Variants in PRDM16 observed in about 807,000 individuals in gnomAD.
PRDM16 encodes histone-lysine N-methyltransferase PRDM16.
In PRDM16, 23 loss-of-function variants were observed where a neutral mutation model predicts 110.6. The observed-to-expected ratio is 0.21, with a 90% CI of 0.15 to 0.29. The LOEUF (loss-of-function observed/expected upper bound fraction) is 0.29. Among genes scored for constraint, PRDM16 ranks in the 10% least tolerant of loss-of-function variants. PRDM16 has a pLI of 1.00. For missense variants in PRDM16, 1,615 were observed against 1,794.3 expected (o/e 0.90, Z 1.81); for synonymous variants, 799 against 781.8 (o/e 1.02, Z -0.37).
chr1:3,110,331 G>C (rs1642760659), intron 1 of PRDM16, among the ~76,000 whole-genome samples: 1 of 144,756 alleles, frequency 6.9e-6, no homozygotes, highest in Non-Finnish European at 1.5e-5. Flanking sequence ...GGGACACAGT[G>C]CTCGGGGGCT....
chr1:3,160,239 G>A (rs1273855085), intron 1 of PRDM16, among the ~76,000 whole-genome samples: 1 of 152,214 alleles, frequency 6.6e-6, no homozygotes, highest in Non-Finnish European at 1.5e-5. Context: ...CGATTGAATG[G>A]GCTGGGCAGG....
Position 3,412,576 on chromosome 1 carries a change from G to A in PRDM16, c.2379G>A (p.Ser793=), listed in dbSNP as rs368154998. The change falls in exon 9 of 17, where the codon TCG becomes TCA. Residue 793 remains serine, a synonymous_variant. Coordinates refer to ENST00000270722, the MANE Select transcript of PRDM16 (RefSeq NM_022114.4). ...TCCTGCCCATGCCCAAGGGCCCCTC[G>A]GCCCCCGCATCCGGCGAGGAGCAGC... ...KPILPMPKGP[S]APASGEEQPL... 560 of 1,607,760 alleles carry A rather than the reference G, an allele frequency of 3.5e-4. 3 individuals carry two copies. The East Asian group carries it at 9.8e-3, about 28-fold the overall frequency.
rs1553161914 is a variant in PRDM16 at position 3,314,071 on chromosome 1, C to CCGGGGGG, written c.438+69934_438+69935insCGGGGGG. Among the ~76,000 whole-genome samples, 2 of 100,660 alleles carry CCGGGGGG rather than the reference C, an allele frequency of 2.0e-5. 1 individual carries two copies. Among genetic ancestry groups the CCGGGGGG allele is most frequent in the Admixed American group, 1.8e-4 (2 of 11,346 alleles). The allele number at this position is 100,660 out of a possible 152,430, so 66.0% of individuals were successfully genotyped here. A position where few individuals can be genotyped will look rare whatever the true frequency, so the allele number is the denominator to read the frequency against. Reference sequence around the variant, plus strand: ...GCCCCCGAATGCCGTCCTTCCCCACCGGGGGGGGGGGCGGGAACATAAAAT... The same window carrying CCGGGGGG: ...GCCCCCGAATGCCGTCCTTCCCCACCCGGGGGGGGGGGGGGGGGCGGGAACATAAAAT... On this transcript the variant is annotated intron_variant, in intron 3 of 16. Coordinates refer to ENST00000270722, the MANE Select transcript of PRDM16 (RefSeq NM_022114.4).
chr1:3,140,425 G>A (rs1228986306), intron 1 of PRDM16, among the ~76,000 whole-genome samples: 8 of 152,076 alleles, frequency 5.3e-5, no homozygotes, highest in Non-Finnish European at 1.2e-4. Flanking sequence ...GTTTGCCTCC[G>A]AGAAGGGACA....
At chr1:3,252,599 C>G (rs147552685) in intron 3 of PRDM16, among the ~76,000 whole-genome samples, 5 of 152,282 alleles carry the variant, frequency 3.3e-5, no homozygotes, top group Non-Finnish European at 7.4e-5. Flanking sequence ...AGAGAAAGCG[C>G]CTGCCCTGGG....
intron 12 of PRDM16, among the ~76,000 whole-genome samples, chr1:3,420,026 G>GT (rs1010064678): frequency 2.2e-4 from 33 of 152,044 alleles, no homozygotes; most frequent in Non-Finnish European, 1.5e-5. Flanking sequence ...TGAGCTGTGT[G>GT]TTTTTTCTGT....
At chr1:3,233,113 C>A (rs1639453177) in intron 2 of PRDM16, among the ~76,000 whole-genome samples, 1 of 152,216 alleles carries the variant, frequency 6.6e-6, no homozygotes. Flanking sequence ...GAAAGCGAAG[C>A]TCCCTGGGGA....
At chr1:3,187,881 C>T (rs1557515472) in intron 2 of PRDM16, among the ~76,000 whole-genome samples, 1 of 152,186 alleles carries the variant, frequency 6.6e-6, no homozygotes, top group East Asian at 1.9e-4. Context: ...GCAGAGTCTG[C>T]GGCCGTCAAG....
chr1:3,385,357 T>A, intron 4 of PRDM16, 71 bp downstream of exon 4: 1 of 1,553,568 alleles, frequency 6.4e-7, no homozygotes, highest in Non-Finnish European at 8.9e-7. Context: ...CCAAGATTGG[T>A]GGAGGTGCCG....
intron 1 of PRDM16, among the ~76,000 whole-genome samples, chr1:3,184,427 C>T (rs533870653): frequency 3.3e-5 from 5 of 152,158 alleles, no homozygotes; most frequent in African/African-American, 7.2e-5. Flanking sequence ...CCAGCAGGAC[C>T]GGGGTCCAGT....
chr1:3,262,750 C>T (rs1248588735), intron 3 of PRDM16, among the ~76,000 whole-genome samples: 1 of 152,184 alleles, frequency 6.6e-6, no homozygotes, highest in Non-Finnish European at 1.5e-5. Flanking sequence ...ACACAGAAAA[C>T]ATGAGGGTGT....
At chr1:3,204,950 C>G (rs1023305411) in intron 2 of PRDM16, among the ~76,000 whole-genome samples, 1 of 152,148 alleles carries the variant, frequency 6.6e-6, no homozygotes, top group Non-Finnish European at 1.5e-5. Context: ...GGGAAGGCCC[C>G]GCGGGATTGT....
chr1:3,178,917 G>C (rs1436525405), intron 1 of PRDM16, among the ~76,000 whole-genome samples: 2 of 152,158 alleles, frequency 1.3e-5, no homozygotes, highest in African/African-American at 2.4e-5. Context: ...ACCCACAGCC[G>C]GGTCCACCCA....
At chr1:3,429,868 G>A (rs1638719363) in intron 14 of PRDM16, among the ~76,000 whole-genome samples, 1 of 152,238 alleles carries the variant, frequency 6.6e-6, no homozygotes, top group African/African-American at 2.4e-5. Flanking sequence ...GAGACACGGA[G>A]GTCGGTCGCC....
intron 3 of PRDM16, among the ~76,000 whole-genome samples, chr1:3,294,083 C>G (rs1178061498): frequency 6.6e-6 from 1 of 152,176 alleles, no homozygotes; most frequent in Non-Finnish European, 1.5e-5. Flanking sequence ...ATGTGCCCAC[C>G]TGAGCCTTGG....
chr1:3,221,578 C>T (rs566039301), intron 2 of PRDM16, among the ~76,000 whole-genome samples: 2 of 152,338 alleles, frequency 1.3e-5, no homozygotes, highest in East Asian at 1.9e-4. Flanking sequence ...TTCCAATGAA[C>T]GTCATGCACT....
At position 3,213,518 on chromosome 1, in the gene PRDM16, G is replaced by C. The variant is rs550140585; in HGVS notation, c.387+27044G>C. Among the ~76,000 whole-genome samples the C allele has an allele frequency of 2.0e-5, 3 of 152,168 alleles. No homozygotes were observed. The highest frequency in any genetic ancestry group is 7.2e-5 in the African/African-American group (3 of 41,440). On this transcript the variant is annotated intron_variant, in intron 2 of 16. Coordinates refer to ENST00000270722, the MANE Select transcript of PRDM16 (RefSeq NM_022114.4). The surrounding 1 kb of genome is among the most constrained non-coding windows in gnomAD (Gnocchi z 5.3). ...TGCCCCCCTGGGTTTGGTTGTGCCC[G>C]TGGGGGGTTGCTAGAGAGTCCTTTG... is the stretch of plus-strand genomic sequence containing the variant.
chr1:3,423,885 A>G (rs1569767089), intron 12 of PRDM16, among the ~76,000 whole-genome samples: 2 of 152,390 alleles, frequency 1.3e-5, no homozygotes, highest in Admixed American at 1.3e-4. Flanking sequence ...ATGAAAACGC[A>G]TGATCATATA....
Position 3,414,066 on chromosome 1 carries a change from G to A in PRDM16, c.2604-494G>A, listed in dbSNP as rs151133440. ...CCAGGGGCCGGGTCAGAGAAGGAGC[G>A]GAGGAGGCCTTGAGCCTCTGGTGTG... On this transcript the variant is annotated intron_variant, in intron 9 of 16. Transcript: ENST00000270722. Among the ~76,000 whole-genome samples, 1,410 of 152,280 alleles carry A rather than the reference G, an allele frequency of 9.3e-3. 17 individuals carry two copies. Among genetic ancestry groups the A allele is most frequent in the African/African-American group, 0.031 (1,284 of 41,568 alleles).
Sources: gnomAD v4.1 joint callset for allele counts (sites outside exome capture counted in the v4.1 genomes callset) on GRCh38, gnomAD v4.1.1 for gene constraint, Gnocchi (gnomAD v3.1) non-coding constraint, MANE v1.5 for transcripts, NCBI Gene and HGNC (gene_info 2026-07-23, HGNC 2026-07-21) for gene names.